SLC9A4: variants seen among roughly 807,000 people sequenced by gnomAD.
SLC9A4 encodes the protein solute carrier family 9 member A4.
In SLC9A4, 63 loss-of-function variants were observed where a neutral mutation model predicts 67.4. The ratio of observed to expected loss-of-function variants is 0.93; its 90% CI spans 0.76 to 1.15. The LOEUF (loss-of-function observed/expected upper bound fraction) is 1.15, where lower values mean the gene tolerates loss of function less well. Among genes scored for constraint, SLC9A4 ranks in the 50% most tolerant of loss-of-function variants. SLC9A4 has a pLI of 0.00. For synonymous variants in SLC9A4, 393 were observed against 367.2 expected (o/e 1.07, Z -0.80); for missense variants, 1,089 against 987.7 (o/e 1.10, Z -1.38).
intron 2 of SLC9A4, among the ~76,000 whole-genome samples, chr2:102,486,958 C>G (rs934254862): frequency 2.0e-5 from 3 of 152,122 alleles, no homozygotes; most frequent in Admixed American, 6.5e-5. Context: ...GCTTTGGGTG[C>G]CTAGGGAGTG....
intron 3 of SLC9A4, among the ~76,000 whole-genome samples, chr2:102,504,596 C>A (rs187431544): frequency 6.6e-6 from 1 of 152,116 alleles, no homozygotes; most frequent in Non-Finnish European, 1.5e-5. Flanking sequence ...GTTTTCTGTA[C>A]GGCATTATCT....
intron 8 of SLC9A4, among the ~76,000 whole-genome samples, chr2:102,517,181 T>C (rs774748206): frequency 1.3e-5 from 2 of 152,198 alleles, no homozygotes; most frequent in Non-Finnish European, 2.9e-5. Context: ...TTCATCTTGG[T>C]GACCTCTGTA....
intron 11 of SLC9A4, among the ~76,000 whole-genome samples, chr2:102,528,859 A>C (rs1674719862): frequency 6.6e-6 from 1 of 152,208 alleles, no homozygotes; most frequent in Non-Finnish European, 1.5e-5. Flanking sequence ...AGTCAAAGCC[A>C]TAAAATGCCA....
intron 11 of SLC9A4, among the ~76,000 whole-genome samples, chr2:102,531,246 C>T (rs1674774641): frequency 6.6e-6 from 1 of 151,670 alleles, no homozygotes; most frequent in African/African-American, 2.4e-5. Flanking sequence ...CTAGAAAATA[C>T]CTAAATTCTT....
chr2:102,500,406 T>C (rs1684901061), intron 2 of SLC9A4, among the ~76,000 whole-genome samples: 1 of 152,224 alleles, frequency 6.6e-6, no homozygotes, highest in Non-Finnish European at 1.5e-5. Context: ...TTGAGCCACC[T>C]AGCTTGTGGT....
rs186592863 is a variant in SLC9A4, at chr2:102,498,606, T to C, written c.721-4842T>C. Among the ~76,000 whole-genome samples, 29 of 138,268 alleles carry C rather than the reference T, an allele frequency of 2.1e-4. No individual in the cohort carries two copies. The East Asian group carries it at 5.1e-3, about 24-fold the overall frequency. The allele number at this position is 138,268 out of a possible 152,430, so 90.7% of individuals were successfully genotyped here. A position where few individuals can be genotyped will look rare whatever the true frequency, so the allele number is the denominator to read the frequency against. ...TGACTCCTCACTGTGGCTTCACTCC[T>C]TTCAGTGTGAGCTCAACTCCAACAG... On this transcript the variant is annotated intron_variant, in intron 2 of 11. Coordinates refer to ENST00000295269, the MANE Select transcript of SLC9A4 (RefSeq NM_001011552.4).
chr2:102,521,606 C>T (rs1685421300), intron 9 of SLC9A4, among the ~76,000 whole-genome samples: 1 of 152,184 alleles, frequency 6.6e-6, no homozygotes, highest in Non-Finnish European at 1.5e-5. Context: ...TTACAAAGGT[C>T]ATAAGAATTC....
intron 8 of SLC9A4, among the ~76,000 whole-genome samples, chr2:102,517,891 G>A: frequency 6.6e-6 from 1 of 152,164 alleles, no homozygotes; most frequent in Non-Finnish European, 1.5e-5. Flanking sequence ...AGTGACAAGA[G>A]TCTTTTGGTT....
At chr2:102,494,305 G>A (rs1684762382) in intron 2 of SLC9A4, among the ~76,000 whole-genome samples, 1 of 151,718 alleles carries the variant, frequency 6.6e-6, no homozygotes, top group East Asian at 1.9e-4. Context: ...AAAAAGTTAA[G>A]GATGTTACTG....
intron 11 of SLC9A4, among the ~76,000 whole-genome samples, chr2:102,529,839 G>C (rs940206518): frequency 2.0e-5 from 3 of 152,164 alleles, no homozygotes; most frequent in African/African-American, 7.2e-5. Flanking sequence ...GGAGCTCCAT[G>C]CTGGTTTGGG....
At chr2:102,500,356 CTT>C (rs1684899744) in intron 2 of SLC9A4, among the ~76,000 whole-genome samples, 2 of 152,324 alleles carry the variant, frequency 1.3e-5, no homozygotes, top group South Asian at 4.1e-4. Context: ...AGTCCAGACT[CTT>C]AGTCTCCACA....
At position 102,505,234 on chromosome 2, in the gene SLC9A4, A is replaced by T; in HGVS notation, c.981-20A>T. Reference sequence around the variant, plus strand: ...GGGAAAACCTCATGGATTTTCTCTGAGACTCTGCTCCTTTTATAGAATCAC... The same window carrying T: ...GGGAAAACCTCATGGATTTTCTCTGTGACTCTGCTCCTTTTATAGAATCAC... On this transcript the variant is annotated intron_variant, in intron 3 of 11. Coordinates refer to ENST00000295269, the MANE Select transcript of SLC9A4 (RefSeq NM_001011552.4). 4 of 1,608,678 alleles carry T rather than the reference A, an allele frequency of 2.5e-6. No individual in the cohort carries two copies. Among genetic ancestry groups the T allele is most frequent in the Non-Finnish European group, 3.4e-6 (4 of 1,176,928 alleles).
intron 2 of SLC9A4, among the ~76,000 whole-genome samples, chr2:102,497,903 A>G (rs1450140795): frequency 1.3e-5 from 2 of 152,204 alleles, no homozygotes; most frequent in Non-Finnish European, 2.9e-5. Flanking sequence ...CGAAGGACTA[A>G]TGTTTTTAGT....
chr2:102,525,439 T>C (rs565423342), intron 10 of SLC9A4, among the ~76,000 whole-genome samples: 4 of 150,834 alleles, frequency 2.7e-5, no homozygotes, highest in Admixed American at 2.0e-4. Context: ...ACAGACCTTA[T>C]GGTGACCAGG....
intron 6 of SLC9A4, among the ~76,000 whole-genome samples, chr2:102,509,878 G>A (rs911907963): frequency 2.0e-5 from 3 of 152,142 alleles, no homozygotes; most frequent in South Asian, 2.1e-4. Flanking sequence ...AGGAGTCATC[G>A]ATACTAAGCA....
intron 6 of SLC9A4, among the ~76,000 whole-genome samples, chr2:102,509,542 T>C (rs1466424245): frequency 6.6e-6 from 1 of 152,222 alleles, no homozygotes; most frequent in Non-Finnish European, 1.5e-5. Flanking sequence ...CTCCCAAAGA[T>C]TCATATCTGT....
intron 9 of SLC9A4, among the ~76,000 whole-genome samples, chr2:102,524,556 TTGTGTGTG>T (rs147920382): frequency 9.6e-5 from 14 of 145,410 alleles, no homozygotes; most frequent in Non-Finnish European, 1.5e-4. Context: ...GTGATAGGAA[TTGTGTGTG>T]TGTGTGTGTG....
intron 1 of SLC9A4, 129 bp from the exon 2 acceptor site, chr2:102,478,710 C>T: frequency 1.2e-6 from 1 of 860,862 alleles, no homozygotes; most frequent in Non-Finnish European, 1.8e-6. Flanking sequence ...GTTCCTGCTA[C>T]AGATGGGACG....
At chr2:102,490,907 C>T (rs1684684711) in intron 2 of SLC9A4, among the ~76,000 whole-genome samples, 1 of 152,206 alleles carries the variant, frequency 6.6e-6, no homozygotes, top group Non-Finnish European at 1.5e-5. Context: ...TACTCAAGGT[C>T]TTTAGCTTAT....
Sources: allele counts gnomAD v4.1 joint callset (sites outside exome capture counted in the v4.1 genomes callset), GRCh38; gene constraint gnomAD v4.1.1; transcripts MANE v1.5; gene names NCBI Gene and HGNC (gene_info 2026-07-23, HGNC 2026-07-21).